The following CSGALNACT1 variants were observed in gnomAD, a reference collection of about 807,000 sequenced individuals.
The protein encoded by CSGALNACT1 is chondroitin sulfate N-acetylgalactosaminyltransferase 1, also known as beta4GalNAcT-1.
In CSGALNACT1, 52 loss-of-function variants were observed where a neutral mutation model predicts 51.0. That is an observed-to-expected ratio of 1.02 (90% CI 0.82 to 1.29). The LOEUF is 1.29. Among genes scored for constraint, CSGALNACT1 ranks in the 50% most tolerant of loss-of-function variants. The pLI, the probability that CSGALNACT1 is intolerant of heterozygous loss-of-function variation, is 0.00. For synonymous variants in CSGALNACT1, 341 were observed against 254.4 expected (o/e 1.34, Z -3.24); for missense variants, 935 against 679.2 (o/e 1.38, Z -4.19).
intron 3 of CSGALNACT1, among the ~76,000 whole-genome samples, chr8:19,581,525 T>C (rs1239984846): frequency 2.6e-5 from 4 of 152,184 alleles, no homozygotes; most frequent in Admixed American, 2.6e-4. Context: ...GAGAATCGCT[T>C]GAACCAGGGA....
intron 1 of CSGALNACT1, among the ~76,000 whole-genome samples, chr8:19,742,122 T>C (rs937819887): frequency 6.6e-6 from 1 of 152,202 alleles, no homozygotes; most frequent in Non-Finnish European, 1.5e-5. Context: ...ATGCCCATTT[T>C]ACAGACAAAA....
chr8:19,480,545 C>T (rs1225149198), intron 4 of CSGALNACT1, among the ~76,000 whole-genome samples: 1 of 152,158 alleles, frequency 6.6e-6, no homozygotes, highest in Non-Finnish European at 1.5e-5. Flanking sequence ...GATTCCATGT[C>T]TTCGCTGTTG....
At chr8:19,719,967 T>C (rs1289301426) in intron 1 of CSGALNACT1, among the ~76,000 whole-genome samples, 1 of 152,236 alleles carries the variant, frequency 6.6e-6, no homozygotes, top group Non-Finnish European at 1.5e-5. Context: ...TTTCTAATAA[T>C]AGAAGGAGCA....
At chr8:19,427,719 C>T (rs967147012) in intron 6 of CSGALNACT1, among the ~76,000 whole-genome samples, 10 of 151,800 alleles carry the variant, frequency 6.6e-5, no homozygotes, top group Admixed American at 4.6e-4. Flanking sequence ...ACCCAGTGGG[C>T]GAAGCTTGCC....
At chr8:19,618,629 CAAAAAAAAAAAAAAAAA>C (rs60787326) in intron 1 of CSGALNACT1, among the ~76,000 whole-genome samples, 3 of 64,048 alleles carry the variant, frequency 4.7e-5, no homozygotes, top group African/African-American at 1.6e-4. Flanking sequence ...AATACTCCAT[CAAAAAAAAAAAAAAAAA>C]AAAAAAAAAA....
At chr8:19,428,837 G>C (rs200983749) in intron 6 of CSGALNACT1, among the ~76,000 whole-genome samples, 1 of 93,418 alleles carries the variant, frequency 1.1e-5, no homozygotes, top group Non-Finnish European at 2.6e-5. Flanking sequence ...GTGTGTGTGT[G>C]TGTGTGTGTG....
At chr8:19,661,751 A>G (rs2058756324) in intron 1 of CSGALNACT1, among the ~76,000 whole-genome samples, 1 of 152,186 alleles carries the variant, frequency 6.6e-6, no homozygotes, top group South Asian at 2.1e-4. Flanking sequence ...AAGGTCAGGT[A>G]AGGTCTTCAT....
At chr8:19,670,325 C>T (rs2059694215) in intron 1 of CSGALNACT1, among the ~76,000 whole-genome samples, 1 of 152,138 alleles carries the variant, frequency 6.6e-6, no homozygotes. Flanking sequence ...TAAAATCCTC[C>T]TTCCCAAAAA....
chr8:19,431,516 C>T (rs781623430), intron 6 of CSGALNACT1, among the ~76,000 whole-genome samples: 64 of 151,910 alleles, frequency 4.2e-4, no homozygotes, highest in Admixed American at 1.4e-3. Flanking sequence ...AAAAATCACA[C>T]TTGGTAATTG....
At chr8:19,744,844 T>C (rs12375275) in intron 1 of CSGALNACT1, among the ~76,000 whole-genome samples, 25,502 of 152,184 alleles carry the variant, frequency 0.17, 2,257 homozygotes, top group Middle Eastern at 0.31. Flanking sequence ...ACCTTCTGTG[T>C]CTACACACTG....
chr8:19,417,856 G>A (rs1452147541), intron 8 of CSGALNACT1, among the ~76,000 whole-genome samples: 3 of 152,114 alleles, frequency 2.0e-5, no homozygotes, highest in Non-Finnish European at 4.4e-5. Context: ...ACAATACCGG[G>A]AAATTCCATC....
chr8:19,650,806 G>A (rs150844464), intron 1 of CSGALNACT1, among the ~76,000 whole-genome samples: 1 of 152,244 alleles, frequency 6.6e-6, no homozygotes, highest in African/African-American at 2.4e-5. Flanking sequence ...TGGCCAGGAA[G>A]TGAGTCTTGG....
chr8:19,580,016 G>T (rs1028281943), intron 3 of CSGALNACT1, among the ~76,000 whole-genome samples: 7 of 152,220 alleles, frequency 4.6e-5, no homozygotes, highest in African/African-American at 1.7e-4. Flanking sequence ...CACAAAACTT[G>T]AGGGGTTAAG....
chr8:19,660,203 T>C (rs1376290529), intron 1 of CSGALNACT1, among the ~76,000 whole-genome samples: 1 of 152,154 alleles, frequency 6.6e-6, no homozygotes, highest in Admixed American at 6.5e-5. Context: ...ATTCCATATA[T>C]CCTGCCATGG....
intron 8 of CSGALNACT1, among the ~76,000 whole-genome samples, chr8:19,411,473 G>T (rs549290134): frequency 6.6e-6 from 1 of 152,290 alleles, no homozygotes; most frequent in African/African-American, 2.4e-5. Flanking sequence ...CCGTCCCTAG[G>T]GCAGAGATGG....
At chr8:19,458,266 G>T (rs1160307566) in intron 5 of CSGALNACT1, among the ~76,000 whole-genome samples, 160 bp downstream of exon 4, 2 of 152,200 alleles carry the variant, frequency 1.3e-5, no homozygotes, top group African/African-American at 2.4e-5. Flanking sequence ...TCTAGGGAAA[G>T]GCAAATACAA....
At chr8:19,531,516 C>T (rs774198131) in intron 3 of CSGALNACT1, among the ~76,000 whole-genome samples, 6 of 152,186 alleles carry the variant, frequency 3.9e-5, no homozygotes, top group Non-Finnish European at 7.3e-5. Context: ...AATGCAATGG[C>T]ATCTCCAAGT....
intron 5 of CSGALNACT1, among the ~76,000 whole-genome samples, chr8:19,448,415 C>T (rs150091965): frequency 7.9e-5 from 12 of 152,230 alleles, no homozygotes; most frequent in East Asian, 3.9e-4. Context: ...ATCCTATATC[C>T]GAGAAAATTT....
intron 8 of CSGALNACT1, among the ~76,000 whole-genome samples, chr8:19,410,413 G>A (rs1028475536): frequency 7.9e-5 from 12 of 152,160 alleles, no homozygotes; most frequent in Non-Finnish European, 1.3e-4. Flanking sequence ...CCATTGCAGC[G>A]AATAGACTAA....
Sources: gnomAD v4.1 joint callset for allele counts (sites outside exome capture counted in the v4.1 genomes callset) on GRCh38, gnomAD v4.1.1 for gene constraint, MANE v1.5 for transcripts, NCBI Gene and HGNC (gene_info 2026-07-23, HGNC 2026-07-21) for gene names.